XIRP2: variants seen among roughly 807,000 people sequenced by gnomAD.
XIRP2 encodes the protein xin actin binding repeat containing 2.
XIRP2 carries 236 observed loss-of-function variants against 277.0 expected under a neutral mutation model. That is an observed-to-expected ratio of 0.85 (90% confidence interval 0.77 to 0.95). XIRP2 has a LOEUF of 0.95. Among genes scored for constraint, XIRP2 ranks in the 40% least tolerant of loss-of-function variants. The probability of loss-of-function intolerance (pLI) is 0.00; values close to 1 mark genes in which losing one functional copy is unlikely to be tolerated. For missense variants in XIRP2, 4,640 were observed against 4,157.5 expected, an observed-to-expected ratio of 1.12 and a Z score of -3.19; for synonymous variants, 1,490 against 1,416.5, an observed-to-expected ratio of 1.05 and a Z score of -1.17.
intron 2 of XIRP2, among the ~76,000 whole-genome samples, chr2:166,915,061 G>T (rs1003367689): frequency 1.3e-5 from 2 of 151,840 alleles, no homozygotes; most frequent in African/African-American, 4.8e-5. Flanking sequence ...ACTTTGGGAG[G>T]CCGAGGCAGG....
intron 10 of XIRP2, among the ~76,000 whole-genome samples, chr2:167,256,207 T>C (rs1695649892): frequency 6.6e-6 from 1 of 151,618 alleles, no homozygotes. Flanking sequence ...TAATCTGTTT[T>C]ATTATATAGT....
At chr2:167,194,746 A>C (rs1693450489) in intron 3 of XIRP2, among the ~76,000 whole-genome samples, 1 of 152,070 alleles carries the variant, frequency 6.6e-6, no homozygotes, top group South Asian at 2.1e-4. Context: ...ACCTTGGGCA[A>C]ATTACCAACT....
chr2:166,938,305 T>C (rs1056772505), intron 2 of XIRP2, among the ~76,000 whole-genome samples: 8 of 152,106 alleles, frequency 5.3e-5, no homozygotes, highest in Non-Finnish European at 8.8e-5. Context: ...TCTTTGTTCT[T>C]GTTGGTTTCA....
At chr2:166,970,441 G>C (rs1054728194) in intron 2 of XIRP2, among the ~76,000 whole-genome samples, 1 of 151,896 alleles carries the variant, frequency 6.6e-6, no homozygotes, top group South Asian at 2.1e-4. Context: ...AGTTGAATGA[G>C]TTTTGTTGTT....
chr2:167,018,745 A>G (rs1228756972), intron 2 of XIRP2, among the ~76,000 whole-genome samples: 1 of 151,986 alleles, frequency 6.6e-6, no homozygotes, highest in Non-Finnish European at 1.5e-5. Flanking sequence ...CTGAAGAACC[A>G]TTTCCTACCA....
chr2:167,026,837 C>G (rs978117385), intron 2 of XIRP2, among the ~76,000 whole-genome samples: 3 of 152,012 alleles, frequency 2.0e-5, no homozygotes, highest in Admixed American at 6.6e-5. Context: ...AATGTTGGCC[C>G]CCACTCTTCT....
chr2:167,250,836 C>T lies in XIRP2; in HGVS notation c.9444C>T (p.Asp3148=). The T allele has an allele frequency of 1.2e-6, 2 of 1,613,496 alleles. No homozygotes were observed. The highest frequency in any genetic ancestry group is 8.5e-7 in the Non-Finnish European group (1 of 1,179,706). ...KNELSQSPKK[D]SYVEPPPRRP... is the part of the protein sequence containing the mutation. ...AGCTTTCTCAGTCCCCTAAAAAGGA[C>T]AGTTATGTTGAACCCCCACCAAGAA... The change falls in exon 9 of 11, where the codon GAC becomes GAT. Residue 3148 remains aspartate (D), a synonymous_variant. Transcript: ENST00000409195.
intron 2 of XIRP2, among the ~76,000 whole-genome samples, chr2:166,939,679 C>CAAAAAAAAAAAAAAAAAAAAAAAAA (rs138977006): frequency 4.4e-5 from 4 of 90,622 alleles, no homozygotes; most frequent in South Asian, 3.2e-4. Flanking sequence ...GACTCCATCA[C>CAAAAAAAAAAAAAAAAAAAAAAAAA]AAAAAAAAAA....
chr2:166,953,324 GAT>G (rs1425760624), intron 2 of XIRP2, among the ~76,000 whole-genome samples: 1 of 151,868 alleles, frequency 6.6e-6, no homozygotes, highest in East Asian at 1.9e-4. Context: ...GAATCATAGG[GAT>G]GGGTCTTTTT....
At chr2:167,005,057 GAAAGT>G (rs1185228683) in intron 2 of XIRP2, among the ~76,000 whole-genome samples, 1 of 151,776 alleles carries the variant, frequency 6.6e-6, no homozygotes, top group African/African-American at 2.4e-5. Context: ...ATTCAAAAAA[GAAAGT>G]AACTAATATA....
intron 3 of XIRP2, among the ~76,000 whole-genome samples, chr2:167,159,732 T>C (rs1214181666): frequency 1.3e-5 from 2 of 152,218 alleles, no homozygotes; most frequent in African/African-American, 4.8e-5. Context: ...ATATTTCTTA[T>C]GAAGATTATA....
intron 5 of XIRP2, among the ~76,000 whole-genome samples, chr2:167,223,712 T>G (rs1400366893): frequency 6.6e-6 from 1 of 152,212 alleles, no homozygotes; most frequent in Non-Finnish European, 1.5e-5. Context: ...CGTAGATTGC[T>G]ATTATCAGCC....
intron 2 of XIRP2, among the ~76,000 whole-genome samples, chr2:166,932,928 A>C (rs1685387599): frequency 6.6e-6 from 1 of 152,120 alleles, no homozygotes; most frequent in Non-Finnish European, 1.5e-5. Context: ...CCAATATCGC[A>C]CTATCTTCAT....
rs1272460579 is a variant in XIRP2, at chr2:167,245,835, T to C, written c.4443T>C (p.Asp1481=). Residue 1481 remains aspartate, a synonymous_variant, in exon 9 of 11, where the codon GAT becomes GAC. Coordinates refer to ENST00000409195, the MANE Select transcript of XIRP2 (RefSeq NM_152381.6). The stretch of plus-strand genomic sequence containing the variant: ...ATATCAAGACAGTCACTCAGGAAGA[T>C]GTGCAGAAAGGTGATGTTAAGCAGG... ...YENIKTVTQE[D]VQKGDVKQAV... 2 of 1,613,748 alleles carry C rather than the reference T, an allele frequency of 1.2e-6. No homozygotes were observed. Among genetic ancestry groups the C allele is most frequent in the South Asian group, 1.1e-5 (1 of 91,080 alleles).
At chr2:167,239,513 G>T (rs969378227) in intron 5 of XIRP2, among the ~76,000 whole-genome samples, 2 of 152,200 alleles carry the variant, frequency 1.3e-5, no homozygotes, top group Admixed American at 1.3e-4. Context: ...GTCTGATAGA[G>T]GCAAGGGCTG....
intron 2 of XIRP2, among the ~76,000 whole-genome samples, chr2:166,974,861 A>T (rs1451178349): frequency 6.6e-6 from 1 of 152,112 alleles, no homozygotes; most frequent in Non-Finnish European, 1.5e-5. Context: ...AAATGTAAAA[A>T]GCAAGCCCCA....
At chr2:167,236,517 A>G (rs1187119946) in intron 5 of XIRP2, among the ~76,000 whole-genome samples, 2 of 151,998 alleles carry the variant, frequency 1.3e-5, no homozygotes, top group Non-Finnish European at 2.9e-5. Flanking sequence ...TTGCTGTTGT[A>G]CTGCATTTTC....
rs1016272424 is a variant in XIRP2 at position 166,926,318 on chromosome 2, T to C, written c.408+22428T>C. ...GCCAACTGTAAACAATCTATCATTA[T>C]TGAAATATGACCAAAACAATATTCT... On this transcript the variant is annotated intron_variant, in intron 2 of 10. Transcript: ENST00000409195. 1.1e-3 allele frequency among the ~76,000 whole-genome samples: 171 copies of C among 152,218 alleles called. 1 individual carries two copies. The highest frequency in any genetic ancestry group is 4.1e-3 in the African/African-American group (170 of 41,548).
At chr2:167,213,121 A>G (rs1694103537) in intron 4 of XIRP2, among the ~76,000 whole-genome samples, 1 of 152,194 alleles carries the variant, frequency 6.6e-6, no homozygotes, top group Non-Finnish European at 1.5e-5. Flanking sequence ...ATTTGGTTGT[A>G]TCTAAATGAA....
Sources: gnomAD v4.1 joint callset for allele counts (sites outside exome capture counted in the v4.1 genomes callset) on GRCh38, gnomAD v4.1.1 for gene constraint, MANE v1.5 for transcripts, NCBI Gene and HGNC (gene_info 2026-07-23, HGNC 2026-07-21) for gene names.